The following GRK4 variants were observed in gnomAD, a reference collection of about 807,000 sequenced individuals.
GRK4 encodes G protein-coupled receptor kinase 4, also known as G protein-coupled receptor kinase 2-like.
In GRK4, 73 loss-of-function variants were observed where a neutral mutation model predicts 77.9. The ratio of observed to expected loss-of-function variants is 0.94; its 90% confidence interval spans 0.78 to 1.14. The LOEUF (loss-of-function observed/expected upper bound fraction) is 1.14. Ranked by LOEUF, GRK4 falls within the 50% of genes most tolerant of loss-of-function variation. The pLI, the probability that GRK4 is intolerant of heterozygous loss-of-function variation, is 0.00. For synonymous variants in GRK4, 257 were observed against 254.4 expected (o/e 1.01, Z -0.10); for missense variants, 729 against 700.2 (o/e 1.04, Z -0.46).
chr4:2,983,212 C>G (rs1455715756), intron 1 of GRK4, among the ~76,000 whole-genome samples: 1 of 152,244 alleles, frequency 6.6e-6, no homozygotes, highest in Non-Finnish European at 1.5e-5. Flanking sequence ...TTCCAAATGT[C>G]TGTCTCTTAC....
intron 1 of GRK4, among the ~76,000 whole-genome samples, chr4:2,968,873 A>T (rs1205452025): frequency 1.3e-5 from 2 of 152,178 alleles, no homozygotes; most frequent in African/African-American, 4.8e-5. Context: ...ATTTTGCCTC[A>T]TGAATTTCAT....
intron 1 of GRK4, among the ~76,000 whole-genome samples, chr4:2,970,507 A>G (rs1461637007): frequency 6.6e-6 from 1 of 151,692 alleles, no homozygotes; most frequent in Non-Finnish European, 1.5e-5. Flanking sequence ...AAAATACAAA[A>G]ATTAGCCAGG....
intron 1 of GRK4, among the ~76,000 whole-genome samples, chr4:2,968,219 C>T (rs1046562875): frequency 1.3e-5 from 2 of 151,948 alleles, no homozygotes; most frequent in Admixed American, 6.6e-5. Context: ...ACTTTAACAC[C>T]GTCTTATCTC....
intron 4 of GRK4, among the ~76,000 whole-genome samples, chr4:2,993,826 G>T (rs1726993151): frequency 6.6e-6 from 1 of 152,324 alleles, no homozygotes; most frequent in East Asian, 1.9e-4. Context: ...CTTACCCAAG[G>T]TTACACACCT....
intron 14 of GRK4, 98 bp from the exon 15 acceptor site, chr4:3,038,278 C>A: frequency 6.7e-7 from 1 of 1,487,844 alleles, no homozygotes; most frequent in Non-Finnish European, 9.2e-7. Flanking sequence ...TCTGAGGTGC[C>A]CCGCACGGGG....
intron 4 of GRK4, among the ~76,000 whole-genome samples, chr4:2,996,502 C>G (rs1281569987): frequency 6.6e-6 from 1 of 151,960 alleles, no homozygotes. Flanking sequence ...TTGCAGTGAG[C>G]TGAGTTCGCG....
chr4:3,023,322 A>T (rs1340054614), intron 10 of GRK4, among the ~76,000 whole-genome samples: 3 of 152,310 alleles, frequency 2.0e-5, no homozygotes, highest in African/African-American at 7.2e-5. Context: ...TTGTGCTCAC[A>T]CATAGCTCAC....
In GRK4 at chr4:3,040,457, A is replaced by T. The variant is rs1169092321; in HGVS notation, c.1684-115A>T. The T allele has an allele frequency of 1.0e-5, 7 of 687,274 alleles. No individual in the cohort carries two copies. The African/African-American group carries it at 1.3e-4, about 13-fold the overall frequency. The allele number at this position is 687,274 out of a possible 1,614,324, so 42.6% of individuals were successfully genotyped here. A position where few individuals can be genotyped will look rare whatever the true frequency, so the allele number is the denominator to read the frequency against. Reference sequence around the variant, plus strand: ...CTATGTCTCAAAAAATAAATAAATAAATAAAAAATAAAAAAGCACCCCCCA... The same window carrying T: ...CTATGTCTCAAAAAATAAATAAATATATAAAAAATAAAAAAGCACCCCCCA... On this transcript the variant is annotated intron_variant, in intron 15 of 15. Coordinates refer to ENST00000398052, the MANE Select transcript of GRK4 (RefSeq NM_182982.3).
In GRK4 at chr4:3,037,374, C is replaced by A. The variant is rs770683729; in HGVS notation, c.1408C>A (p.Pro470Thr). 2 of 1,596,204 alleles carry A rather than the reference C, an allele frequency of 1.3e-6. No individual in the cohort carries two copies. The highest frequency in any genetic ancestry group is 1.7e-6 in the Non-Finnish European group (2 of 1,165,890). Residue 470 changes from proline (P) to threonine (T), a missense_variant and splice_region_variant, in exon 14 of 16, where the codon CCT (proline) becomes ACT (threonine). Transcript: ENST00000398052. ...NMLEPPFCPD[P>T]HAVYCKDVLD... is the part of the protein sequence containing the mutation. Reference sequence around the variant, plus strand: ...GGCTGCCCCTGTTCTTGCTACACAGCCTCATGCCGTTTACTGTAAGGACGT... The same window carrying A: ...GGCTGCCCCTGTTCTTGCTACACAGACTCATGCCGTTTACTGTAAGGACGT...
At chr4:2,988,687 G>T (rs777235073) in intron 2 of GRK4, 40 bp from the exon 3 acceptor site, 2 of 1,069,670 alleles carry the variant, frequency 1.9e-6, no homozygotes, top group African/African-American at 1.6e-5. Flanking sequence ...GGACTGTAAT[G>T]ATTCTATTTG....
chr4:2,988,912 G>C, intron 3 of GRK4, 73 bp downstream of exon 3: 1 of 926,398 alleles, frequency 1.1e-6, no homozygotes, highest in Non-Finnish European at 1.8e-6. Context: ...TTGGCCAGGC[G>C]CAGTAGCTCA....
In GRK4 at chr4:3,038,513, G is replaced by C. The variant is rs769935591; in HGVS notation, c.1683G>C (p.Gly561=). The C allele has an allele frequency of 1.9e-6, 3 of 1,606,518 alleles. No homozygotes were observed. The East Asian group carries it at 6.7e-5, about 36-fold the overall frequency. Residue 561 remains glycine (G), a splice_region_variant and synonymous_variant, in exon 15 of 16, where the codon GGG becomes GGC. Transcript: ENST00000398052. The part of the protein sequence containing the change: ...RGFFYRLFRR[G]GCLTMVPSEK... ...TCTTCTATAGACTCTTCAGAAGAGGGGTAAAAAGACTTAAAAACTAATATA... is the reference window on the plus strand; with the variant it reads ...TCTTCTATAGACTCTTCAGAAGAGGCGTAAAAAGACTTAAAAACTAATATA...
At chr4:2,969,864 A>G (rs1283992950) in intron 1 of GRK4, among the ~76,000 whole-genome samples, 1 of 151,604 alleles carries the variant, frequency 6.6e-6, no homozygotes, top group Non-Finnish European at 1.5e-5. Context: ...TTTTGTGGAG[A>G]TGGGGTCTCA....
At chr4:3,021,223 T>C (rs911089906) in intron 9 of GRK4, among the ~76,000 whole-genome samples, 4 of 152,182 alleles carry the variant, frequency 2.6e-5, no homozygotes, top group African/African-American at 9.6e-5. Flanking sequence ...CCTCACTTCA[T>C]TGTACCTTTG....
intron 13 of GRK4, 58 bp from the exon 14 acceptor site, chr4:3,037,316 G>A (rs201152798): frequency 5.1e-5 from 77 of 1,499,604 alleles, no homozygotes; most frequent in Middle Eastern, 1.8e-4. Flanking sequence ...CTTGGGAACT[G>A]AGGGAGCTGA....
chr4:3,027,983 G>T lies in GRK4; in HGVS notation c.1042G>T (p.Gly348Ter). 1.2e-6 allele frequency: 2 copies of T among 1,614,144 alleles called. No individual in the cohort carries two copies. The highest frequency in any genetic ancestry group is 1.7e-6 in the Non-Finnish European group (2 of 1,180,020). The change falls in exon 11 of 16, where the codon GGA becomes TGA. Residue 348 changes from glycine to a stop codon, truncating the protein, a stop_gained. Coordinates refer to ENST00000398052, the MANE Select transcript of GRK4 (RefSeq NM_182982.3). LOFTEE classifies it high-confidence loss of function. ...AGGACAGAGGGTTCGAGGAAGAGTTGGAACAGTCGGCTACATGGGTTCGTG... is the reference window on the plus strand; with the variant it reads ...AGGACAGAGGGTTCGAGGAAGAGTTTGAACAGTCGGCTACATGGGTTCGTG... ...PEGQRVRGRV[G>*]TVGYMAPEVV...
At chr4:3,031,371 C>T (rs534970963) in intron 12 of GRK4, among the ~76,000 whole-genome samples, 1 of 152,168 alleles carries the variant, frequency 6.6e-6, no homozygotes, top group African/African-American at 2.4e-5. Flanking sequence ...CAGGGGTTTC[C>T]TCAACAGCAT....
At chr4:3,002,256 G>A (rs748894132) in intron 4 of GRK4, among the ~76,000 whole-genome samples, 11 of 152,046 alleles carry the variant, frequency 7.2e-5, no homozygotes, top group East Asian at 1.9e-4. Flanking sequence ...CCGGGAGACC[G>A]TGCAGTCACT....
intron 2 of GRK4, chr4:2,987,280 T>G (rs1042726590): frequency 2.9e-6 from 1 of 343,944 alleles, no homozygotes; most frequent in African/African-American, 2.1e-5. Context: ...CATCCTTTTT[T>G]GTTGGTGAAT....
Sources: allele counts gnomAD v4.1 joint callset (sites outside exome capture counted in the v4.1 genomes callset), GRCh38; gene constraint gnomAD v4.1.1; transcripts MANE v1.5; gene names NCBI Gene and HGNC (gene_info 2026-07-23, HGNC 2026-07-21).